USP47: variants seen among roughly 807,000 people sequenced by gnomAD.
USP47 encodes the protein ubiquitin specific peptidase 47.
USP47 carries 35 observed loss-of-function variants against 165.1 expected under a neutral mutation model. The ratio of observed to expected loss-of-function variants is 0.21; its 90% CI spans 0.16 to 0.28. The LOEUF is 0.28. Among genes scored for constraint, USP47 ranks in the 10% least tolerant of loss-of-function variants. USP47 has a pLI of 1.00. For missense variants in USP47, 1,277 were observed against 1,607.4 expected, an observed-to-expected ratio of 0.79 and a Z score of 3.52; for synonymous variants, 531 against 544.5, an observed-to-expected ratio of 0.98 and a Z score of 0.35.
chr11:11,874,910 C>A (rs1327332019), intron 1 of USP47, among the ~76,000 whole-genome samples: 1 of 152,084 alleles, frequency 6.6e-6, no homozygotes, highest in Non-Finnish European at 1.5e-5. Context: ...ACTATCAATT[C>A]TGTTTTAAAA....
At chr11:11,897,754 A>G (rs1851934547) in intron 5 of USP47, 61 bp downstream of exon 5, 2 of 1,208,528 alleles carry the variant, frequency 1.7e-6, no homozygotes, top group African/African-American at 1.5e-5. Context: ...ATCACTTTTA[A>G]CAAAATTTAT....
chr11:11,924,523 G>T (rs554396029), intron 11 of USP47, among the ~76,000 whole-genome samples: 4 of 152,216 alleles, frequency 2.6e-5, no homozygotes, highest in African/African-American at 9.6e-5. Flanking sequence ...AAGAGATTGT[G>T]GAAACTTGGT....
chr11:11,944,281 G>A (rs1047462728), intron 20 of USP47, among the ~76,000 whole-genome samples: 1 of 151,468 alleles, frequency 6.6e-6, no homozygotes, highest in African/African-American at 2.4e-5. Flanking sequence ...TGAAAATTAA[G>A]TGCTATGATG....
At chr11:11,921,739 CTT>C (rs1321385121) in intron 10 of USP47, among the ~76,000 whole-genome samples, 1 of 151,754 alleles carries the variant, frequency 6.6e-6, no homozygotes, top group Non-Finnish European at 1.5e-5. Context: ...AGAAGGAAAA[CTT>C]ATATATGAAG....
chr11:11,940,634 A>G (rs1312111269), intron 19 of USP47, 86 bp downstream of exon 19: 2 of 1,407,116 alleles, frequency 1.4e-6, no homozygotes, highest in African/African-American at 2.9e-5. Flanking sequence ...TGGCCTCCAC[A>G]GCTGTTCAAC....
At chr11:11,860,584 T>C (rs1311102194) in intron 1 of USP47, among the ~76,000 whole-genome samples, 1 of 152,344 alleles carries the variant, frequency 6.6e-6, no homozygotes, top group East Asian at 1.9e-4. Context: ...TGGTAACAGA[T>C]AATATAAACA....
intron 1 of USP47, among the ~76,000 whole-genome samples, chr11:11,843,095 T>G (rs1317965623): frequency 1.3e-5 from 2 of 152,194 alleles, no homozygotes; most frequent in Non-Finnish European, 2.9e-5. Context: ...ATGCTTTGGA[T>G]TTTTATTTCT....
In USP47 at chr11:11,897,717, A is replaced by G. The variant is rs755677759; in HGVS notation, c.593+24A>G. 11 of 1,460,304 alleles carry G rather than the reference A, an allele frequency of 7.5e-6. 1 individual carries two copies. The South Asian group carries it at 1.3e-4, about 17-fold the overall frequency. 90.5% of individuals were successfully genotyped at this position (1,460,304 alleles called of 1,614,324 possible). On this transcript the variant is annotated intron_variant, in intron 5 of 27. Transcript: ENST00000527733. Reference sequence around the variant, plus strand: ...AAGTGAGTATTCAAAAAAATTGTATACATAAAATTGATTTAAGAATGAAAA... The same window carrying G: ...AAGTGAGTATTCAAAAAAATTGTATGCATAAAATTGATTTAAGAATGAAAA...
chr11:11,917,972 A>G (rs1043129545), intron 8 of USP47, among the ~76,000 whole-genome samples: 19 of 152,172 alleles, frequency 1.2e-4, no homozygotes, highest in Non-Finnish European at 5.9e-5. Flanking sequence ...AGATTTGGTA[A>G]GGCTCAGGAT....
intron 6 of USP47, 124 bp from the exon 7 acceptor site, chr11:11,903,139 C>G: frequency 1.1e-6 from 1 of 948,098 alleles, no homozygotes; most frequent in Non-Finnish European, 1.5e-6. Flanking sequence ...TTCTTATGTT[C>G]TTTTTTAAAT....
At chr11:11,843,939 A>G (rs1316706035) in intron 1 of USP47, among the ~76,000 whole-genome samples, 2 of 151,872 alleles carry the variant, frequency 1.3e-5, no homozygotes, top group Admixed American at 6.6e-5. Context: ...TTTATTGTCT[A>G]TTCCTTAGTC....
At chr11:11,862,722 A>AT (rs909957928) in intron 1 of USP47, among the ~76,000 whole-genome samples, 12 of 150,506 alleles carry the variant, frequency 8.0e-5, no homozygotes, top group South Asian at 2.1e-4. Flanking sequence ...TACAAGCATA[A>AT]TTTTTTTTTT....
At chr11:11,869,616 A>G (rs1272600740) in intron 1 of USP47, among the ~76,000 whole-genome samples, 2 of 152,230 alleles carry the variant, frequency 1.3e-5, no homozygotes, top group Non-Finnish European at 2.9e-5. Context: ...CAGGATAATC[A>G]TCAAAATTTT....
chr11:11,941,256 G>C (rs374890005), intron 19 of USP47, among the ~76,000 whole-genome samples: 1 of 151,800 alleles, frequency 6.6e-6, no homozygotes, highest in Non-Finnish European at 1.5e-5. Flanking sequence ...GGGGATGTAC[G>C]TGTATATGTG....
intron 3 of USP47, among the ~76,000 whole-genome samples, chr11:11,888,203 T>A (rs903301608): frequency 3.3e-5 from 5 of 151,354 alleles, no homozygotes; most frequent in African/African-American, 1.2e-4. Flanking sequence ...AGACAAGAAA[T>A]AACCAAAATC....
intron 3 of USP47, among the ~76,000 whole-genome samples, chr11:11,887,792 A>G (rs1324602317): frequency 6.6e-6 from 1 of 152,118 alleles, no homozygotes; most frequent in Non-Finnish European, 1.5e-5. Context: ...ATCACCACAC[A>G]GCACTTACTC....
chr11:11,883,318 A>G (rs1850949282), intron 2 of USP47, among the ~76,000 whole-genome samples: 1 of 152,214 alleles, frequency 6.6e-6, no homozygotes, highest in African/African-American at 2.4e-5. Flanking sequence ...TACTGTGTTT[A>G]TAGTATTCTA....
chr11:11,897,752 T>A, intron 5 of USP47, 59 bp downstream of exon 5: 1 of 1,206,672 alleles, frequency 8.3e-7, no homozygotes, highest in Non-Finnish European at 1.2e-6. Context: ...ATATCACTTT[T>A]AACAAAATTT....
At chr11:11,891,640 G>C (rs1347965978) in intron 3 of USP47, among the ~76,000 whole-genome samples, 1 of 152,146 alleles carries the variant, frequency 6.6e-6, no homozygotes, top group Non-Finnish European at 1.5e-5. Context: ...TCTTGTCAGA[G>C]ACAGTAGGAA....
Sources: gnomAD v4.1 joint callset for allele counts (sites outside exome capture counted in the v4.1 genomes callset) on GRCh38, gnomAD v4.1.1 for gene constraint, MANE v1.5 for transcripts, NCBI Gene and HGNC (gene_info 2026-07-23, HGNC 2026-07-21) for gene names.